MBNL1: variants seen among roughly 807,000 people sequenced by gnomAD.
MBNL1 encodes the protein muscleblind like splicing regulator 1, also known as muscleblind-like protein 1.
Under a neutral mutation model 42.2 loss-of-function variants are expected in MBNL1, and 8 were observed. The ratio of observed to expected loss-of-function variants is 0.19; its 90% confidence interval spans 0.11 to 0.34. The LOEUF is 0.34. Among genes scored for constraint, MBNL1 ranks in the 10% least tolerant of loss-of-function variants. The pLI is 1.00. For synonymous variants in MBNL1, 169 were observed against 173.9 expected (o/e 0.97, Z 0.22); for missense variants, 309 against 495.3 (o/e 0.62, Z 3.57).
At chr3:152,349,469 A>T (rs572844798) in intron 2 of MBNL1, among the ~76,000 whole-genome samples, 19 of 152,240 alleles carry the variant, frequency 1.2e-4, no homozygotes, top group Middle Eastern at 3.4e-3. Flanking sequence ...AATGAAAAAA[A>T]ATGGAAACTG....
At chr3:152,408,293 C>T (rs953107147) in intron 2 of MBNL1, among the ~76,000 whole-genome samples, 1 of 151,908 alleles carries the variant, frequency 6.6e-6, no homozygotes, top group Non-Finnish European at 1.5e-5. Flanking sequence ...ACTTGTAAAA[C>T]AAATAACAGC....
chr3:152,429,713 G>A (rs537546282), intron 3 of MBNL1, among the ~76,000 whole-genome samples: 4 of 151,910 alleles, frequency 2.6e-5, no homozygotes, highest in African/African-American at 7.2e-5. Flanking sequence ...TCAACATGGC[G>A]CTCCTTGAAA....
At position 152,432,882 on chromosome 3, in the gene MBNL1, G is replaced by GCTGCTGCAC. The variant is rs1324876554; in HGVS notation, c.512_520dup (p.Ala173_Gln174insProAlaAla). The GCTGCTGCAC allele has an allele frequency of 6.2e-7, 1 of 1,613,614 alleles. No individual in the cohort carries two copies. The highest frequency in any genetic ancestry group is 8.5e-7 in the Non-Finnish European group (1 of 1,179,658). ...TGTCCCTGTACCTGCAGCTGCTGCA[G>GCTGCTGCAC]CTGCTGCACAGAAATTAATGCGAAC... On this transcript the variant is annotated inframe_insertion, in exon 4 of 10. Transcript: ENST00000324210.
rs1180719886 is a variant in MBNL1, at chr3:152,342,187, G to A, written c.174+41820G>A. On this transcript the variant is annotated intron_variant, in intron 2 of 9. Coordinates refer to ENST00000324210, the MANE Select transcript of MBNL1 (RefSeq NM_021038.5). ...GTCCTTGTTAGTTGTAAATCTGGCA[G>A]TGAGTGCCAGTTCTCAAATCAGTCC... Among the ~76,000 whole-genome samples the A allele has an allele frequency of 2.0e-5, 3 of 152,116 alleles. No individual in the cohort carries two copies. In the East Asian group the frequency reaches 5.8e-4, roughly 29 times the overall value.
At chr3:152,337,304 GTCTA>G (rs1211187829) in intron 2 of MBNL1, among the ~76,000 whole-genome samples, 3 of 152,262 alleles carry the variant, frequency 2.0e-5, no homozygotes, top group South Asian at 2.1e-4. Context: ...ACAGTGATTA[GTCTA>G]TCTGACAGTG....
chr3:152,338,932 G>A (rs1034143418), intron 2 of MBNL1, among the ~76,000 whole-genome samples: 2 of 152,018 alleles, frequency 1.3e-5, no homozygotes, highest in Non-Finnish European at 2.9e-5. Context: ...CGGACTCTGT[G>A]AAGCACTTTT....
chr3:152,373,903 G>A (rs2153276688), intron 2 of MBNL1, among the ~76,000 whole-genome samples: 1 of 152,328 alleles, frequency 6.6e-6, no homozygotes, highest in Middle Eastern at 3.4e-3. Context: ...AAAGTAGAGA[G>A]AATAGTGTAA....
At chr3:152,402,239 CA>C (rs892341052) in intron 2 of MBNL1, among the ~76,000 whole-genome samples, 12 of 152,152 alleles carry the variant, frequency 7.9e-5, no homozygotes, top group Middle Eastern at 3.4e-3. Flanking sequence ...AGAGTGAGAG[CA>C]GCCTGGTCAT....
chr3:152,259,275 G>T (rs1434183322), intron 2 of MBNL1, among the ~76,000 whole-genome samples: 1 of 152,136 alleles, frequency 6.6e-6, no homozygotes. Flanking sequence ...CTGCTCTTTT[G>T]CTAGTCTAGA....
intron 6 of MBNL1, among the ~76,000 whole-genome samples, chr3:152,449,751 A>G (rs967299368): frequency 1.1e-4 from 17 of 152,190 alleles, no homozygotes; most frequent in Non-Finnish European, 2.5e-4. Flanking sequence ...AAATTTTAAG[A>G]TATATTTGCA....
chr3:152,366,958 GTGAT>G (rs1403110411), intron 2 of MBNL1, among the ~76,000 whole-genome samples: 1 of 152,096 alleles, frequency 6.6e-6, no homozygotes, highest in Non-Finnish European at 1.5e-5. Flanking sequence ...TCATAATTCT[GTGAT>G]TGAGGATGTA....
chr3:152,441,613 GT>G (rs908292518), intron 4 of MBNL1, among the ~76,000 whole-genome samples: 2 of 152,114 alleles, frequency 1.3e-5, no homozygotes, highest in African/African-American at 4.8e-5. Flanking sequence ...ATTATTTAAA[GT>G]TTATAATTAT....
chr3:152,286,504 A>G (rs1577151818), intron 1 of MBNL1, among the ~76,000 whole-genome samples: 1 of 132,720 alleles, frequency 7.5e-6, no homozygotes, highest in African/African-American at 2.9e-5. Flanking sequence ...TATAATATAA[A>G]TATTTATATT....
chr3:152,398,011 A>T (rs1399493637), intron 2 of MBNL1, among the ~76,000 whole-genome samples: 1 of 152,174 alleles, frequency 6.6e-6, no homozygotes, highest in African/African-American at 2.4e-5. Flanking sequence ...ATTTTTTCAC[A>T]ATTTATTTTT....
chr3:152,281,209 A>G (rs1227495950), intron 1 of MBNL1, among the ~76,000 whole-genome samples: 1 of 152,086 alleles, frequency 6.6e-6, no homozygotes, highest in Non-Finnish European at 1.5e-5. Context: ...TGAGGCTTGG[A>G]AAGATTAAGG....
At position 152,421,050 on chromosome 3, in the gene MBNL1, G is replaced by T. The variant is rs147974964; in HGVS notation, c.345+5939G>T. 5.8e-3 allele frequency among the ~76,000 whole-genome samples: 878 copies of T among 152,274 alleles called. 8 individuals carry two copies. Among genetic ancestry groups the T allele is most frequent in the African/African-American group, 0.02 (838 of 41,536 alleles). ...GAAGATCAGCTTAATGAAATAAAGC[G>T]TGAAGACAAGATTAGAGAAAAAAGA... On this transcript the variant is annotated intron_variant, in intron 3 of 9. Transcript: ENST00000324210.
chr3:152,317,124 T>C (rs977216111), intron 2 of MBNL1, among the ~76,000 whole-genome samples: 4 of 152,178 alleles, frequency 2.6e-5, no homozygotes, highest in African/African-American at 7.2e-5. Context: ...ACCTTGGTTG[T>C]AGTTAGCAGG....
chr3:152,247,560 T>C (rs1401909806), intron 2 of MBNL1, among the ~76,000 whole-genome samples: 2 of 151,974 alleles, frequency 1.3e-5, no homozygotes, highest in African/African-American at 4.8e-5. Context: ...CATATCTGCA[T>C]TGTAGAAAAT....
At chr3:152,452,753 A>G (rs938960636) in intron 6 of MBNL1, among the ~76,000 whole-genome samples, 8 of 152,048 alleles carry the variant, frequency 5.3e-5, no homozygotes, top group African/African-American at 1.4e-4. Flanking sequence ...CTTACCTACC[A>G]TCTTCAGAAT....
Sources: gnomAD v4.1 joint callset for allele counts (sites outside exome capture counted in the v4.1 genomes callset) on GRCh38, gnomAD v4.1.1 for gene constraint, MANE v1.5 for transcripts, NCBI Gene and HGNC (gene_info 2026-07-23, HGNC 2026-07-21) for gene names.